Variants in RSRC1 observed in about 807,000 individuals in gnomAD.
RSRC1 encodes the protein arginine and serine rich coiled-coil 1.
RSRC1 carries 39 observed loss-of-function variants against 49.1 expected under a neutral mutation model. The observed-to-expected ratio is 0.79, with a 90% CI of 0.61 to 1.04. The LOEUF (loss-of-function observed/expected upper bound fraction) is 1.04, where lower values mean the gene tolerates loss of function less well. Among genes scored for constraint, RSRC1 ranks in the 50% least tolerant of loss-of-function variants. RSRC1 has a pLI of 0.00. For synonymous variants in RSRC1, 143 were observed against 130.8 expected, an observed-to-expected ratio of 1.09 and a Z score of -0.63; for missense variants, 388 against 402.4, an observed-to-expected ratio of 0.96 and a Z score of 0.31.
At chr3:158,337,418 A>C (rs1304127217) in intron 5 of RSRC1, among the ~76,000 whole-genome samples, 2 of 152,180 alleles carry the variant, frequency 1.3e-5, no homozygotes, top group East Asian at 3.9e-4. Flanking sequence ...GAGAACTGCC[A>C]ATCCGAGAGC....
intron 3 of RSRC1, among the ~76,000 whole-genome samples, chr3:158,198,400 G>A (rs2108273273): frequency 6.6e-6 from 1 of 152,182 alleles, no homozygotes; most frequent in Non-Finnish European, 1.5e-5. Context: ...CATGTGAGAT[G>A]GATTTCCTGA....
At chr3:158,208,516 A>T (rs1246598236) in intron 4 of RSRC1, among the ~76,000 whole-genome samples, 1 of 152,062 alleles carries the variant, frequency 6.6e-6, no homozygotes. Flanking sequence ...AGTGTTCACC[A>T]CGAAACTTGG....
intron 6 of RSRC1, among the ~76,000 whole-genome samples, chr3:158,427,914 C>A (rs376016665): frequency 6.6e-6 from 1 of 151,652 alleles, no homozygotes; most frequent in East Asian, 1.9e-4. Context: ...TATCTTCATG[C>A]ATACTTTTTT....
intron 4 of RSRC1, among the ~76,000 whole-genome samples, chr3:158,249,550 C>T (rs1724089848): frequency 6.6e-6 from 1 of 152,152 alleles, no homozygotes. Context: ...CAATTTTTGA[C>T]TATTACAAAA....
rs1176513411 is a variant in RSRC1, at chr3:158,545,402, C to T, written c.*1127C>T. ...GTTTTTAGTAGAGATGGGGTTTCAC[C>T]ATTTTAGCCAGGATGGTCTATTTTC... On this transcript the variant is annotated 3_prime_UTR_variant, in exon 10 of 10. Transcript: ENST00000611884. 2 of 151,732 alleles carry T rather than the reference C, an allele frequency of 1.3e-5. No homozygotes were observed. The highest frequency in any genetic ancestry group is 2.4e-5 in the African/African-American group (1 of 41,334). 9.4% of individuals were successfully genotyped at this position (151,732 alleles called of 1,614,324 possible).
chr3:158,324,738 G>T (rs900477228), intron 5 of RSRC1, among the ~76,000 whole-genome samples: 4 of 152,086 alleles, frequency 2.6e-5, no homozygotes, highest in African/African-American at 9.7e-5. Context: ...AATCCTTTGG[G>T]TATATACCCA....
chr3:158,229,760 T>A (rs1722847881), intron 4 of RSRC1, among the ~76,000 whole-genome samples: 1 of 120,780 alleles, frequency 8.3e-6, no homozygotes, highest in Admixed American at 8.7e-5. Flanking sequence ...CCATTTGCTT[T>A]ATCAAATTCT....
At chr3:158,212,898 A>T (rs1377618933) in intron 4 of RSRC1, among the ~76,000 whole-genome samples, 4 of 152,016 alleles carry the variant, frequency 2.6e-5, no homozygotes, top group Admixed American at 2.6e-4. Context: ...TAAACCAAAT[A>T]GAAGCAGTCT....
chr3:158,523,801 G>C (rs1245944989), intron 7 of RSRC1, among the ~76,000 whole-genome samples: 2 of 152,004 alleles, frequency 1.3e-5, no homozygotes, highest in Non-Finnish European at 2.9e-5. Flanking sequence ...GTCATAGTGG[G>C]GAAGGACTCT....
intron 7 of RSRC1, among the ~76,000 whole-genome samples, chr3:158,530,607 T>TGGAG (rs1317748467): frequency 2.6e-5 from 4 of 151,612 alleles, no homozygotes; most frequent in Admixed American, 6.6e-5. Context: ...AAGAGAGGGA[T>TGGAG]GGAGGGAGGG....
At chr3:158,402,098 A>G (rs942362629) in intron 6 of RSRC1, among the ~76,000 whole-genome samples, 3 of 151,888 alleles carry the variant, frequency 2.0e-5, no homozygotes, top group Admixed American at 6.6e-5. Flanking sequence ...AGGAATTCCC[A>G]AGGCAGGTTT....
chr3:158,276,591 G>T (rs540033963), intron 4 of RSRC1, among the ~76,000 whole-genome samples: 2 of 152,112 alleles, frequency 1.3e-5, no homozygotes, highest in East Asian at 1.9e-4. Context: ...TTCAGTATTT[G>T]TCTTATTGGT....
At chr3:158,391,706 T>C (rs1733306022) in intron 6 of RSRC1, among the ~76,000 whole-genome samples, 1 of 152,066 alleles carries the variant, frequency 6.6e-6, no homozygotes, top group African/African-American at 2.4e-5. Context: ...GGAATCTGCA[T>C]GTGCCCAGAA....
chr3:158,488,127 A>G (rs753827514), intron 7 of RSRC1, among the ~76,000 whole-genome samples: 3 of 152,090 alleles, frequency 2.0e-5, no homozygotes, highest in Non-Finnish European at 4.4e-5. Context: ...GGCAGTCACA[A>G]GAGTGATCTT....
intron 6 of RSRC1, among the ~76,000 whole-genome samples, chr3:158,392,362 A>G (rs1203949072): frequency 6.6e-6 from 1 of 152,032 alleles, no homozygotes; most frequent in Non-Finnish European, 1.5e-5. Context: ...TTTTTGTGAA[A>G]TACTATTAAA....
intron 5 of RSRC1, among the ~76,000 whole-genome samples, chr3:158,349,825 G>A (rs970018404): frequency 1.3e-5 from 2 of 149,480 alleles, no homozygotes; most frequent in African/African-American, 4.9e-5. Context: ...AACCTCCTGA[G>A]TAACTGGGAT....
At chr3:158,258,925 T>C (rs2108030186) in intron 4 of RSRC1, among the ~76,000 whole-genome samples, 1 of 152,294 alleles carries the variant, frequency 6.6e-6, no homozygotes, top group East Asian at 1.9e-4. Context: ...TTTTATTAAA[T>C]TTAGCTGATA....
At chr3:158,146,297 C>T (rs1160061176) in intron 3 of RSRC1, among the ~76,000 whole-genome samples, 1 of 152,098 alleles carries the variant, frequency 6.6e-6, no homozygotes, top group Non-Finnish European at 1.5e-5. Context: ...TTTTGAGATA[C>T]GTCCCATCAA....
intron 5 of RSRC1, among the ~76,000 whole-genome samples, chr3:158,332,619 T>G (rs1729615325): frequency 6.6e-6 from 1 of 152,166 alleles, no homozygotes; most frequent in Non-Finnish European, 1.5e-5. Flanking sequence ...AATTTACTAT[T>G]TTCCTTATCT....
Sources: allele counts gnomAD v4.1 joint callset (sites outside exome capture counted in the v4.1 genomes callset), GRCh38; gene constraint gnomAD v4.1.1; transcripts MANE v1.5; gene names NCBI Gene and HGNC (gene_info 2026-07-23, HGNC 2026-07-21).